The following RANBP2 variants were observed in gnomAD, a reference collection of about 807,000 sequenced individuals.
The protein encoded by RANBP2 is RAN binding protein 2.
RANBP2 carries 57 observed loss-of-function variants against 303.6 expected under a neutral mutation model. The observed-to-expected ratio is 0.19, with a 90% CI of 0.15 to 0.23. The LOEUF (loss-of-function observed/expected upper bound fraction) is 0.23. RANBP2 is among the 10% of genes least tolerant of loss of function. The pLI, the probability that RANBP2 is intolerant of heterozygous loss-of-function variation, is 1.00. For missense variants in RANBP2, 3,138 were observed against 3,780.8 expected, an observed-to-expected ratio of 0.83 and a Z score of 4.46; for synonymous variants, 1,167 against 1,301.5, an observed-to-expected ratio of 0.90 and a Z score of 2.23.
chr2:109,528,761 C>T, the RANBP2 span, among the ~76,000 whole-genome samples: 5 of 152,186 alleles, frequency 3.3e-5, no homozygotes, highest in Non-Finnish European at 7.3e-5. Context: ...TCACATCACA[C>T]GACAAAGGGG....
the RANBP2 span, among the ~76,000 whole-genome samples, chr2:108,835,397 G>A: frequency 6.6e-6 from 1 of 152,236 alleles, no homozygotes; most frequent in South Asian, 2.1e-4. Context: ...GGGCCAGTAA[G>A]GATATTAATC....
the RANBP2 span, among the ~76,000 whole-genome samples, chr2:109,586,989 T>C: frequency 6.6e-6 from 1 of 151,908 alleles, no homozygotes; most frequent in Non-Finnish European, 1.5e-5. Context: ...AATAAAAAAA[T>C]TATGACAGGA....
the RANBP2 span, among the ~76,000 whole-genome samples, chr2:109,158,728 T>C: frequency 6.6e-6 from 1 of 152,240 alleles, no homozygotes; most frequent in African/African-American, 2.4e-5. Flanking sequence ...TGGATGAATG[T>C]TTTAACACAT....
At chr2:109,697,580 A>G in the RANBP2 span, among the ~76,000 whole-genome samples, 2 of 151,846 alleles carry the variant, frequency 1.3e-5, no homozygotes, top group Admixed American at 1.3e-4. Context: ...TTGCATAAAT[A>G]TTTTGTATCC....
chr2:108,834,094 A>G, the RANBP2 span, among the ~76,000 whole-genome samples: 111 of 151,546 alleles, frequency 7.3e-4, no homozygotes, highest in Non-Finnish European at 1.2e-3. Context: ...GGAAACTAGA[A>G]TTTGAGGGTA....
At chr2:109,736,318 T>C in the RANBP2 span, among the ~76,000 whole-genome samples, 1 of 152,194 alleles carries the variant, frequency 6.6e-6, no homozygotes, top group South Asian at 2.1e-4. Context: ...ATGAGGCAGC[T>C]ATTTCCCAGG....
the RANBP2 span, among the ~76,000 whole-genome samples, chr2:109,511,203 G>T: frequency 6.6e-6 from 1 of 152,180 alleles, no homozygotes; most frequent in Non-Finnish European, 1.5e-5. Flanking sequence ...GCCTCGGGAG[G>T]CCTGGCTGAT....
At chr2:108,857,769 T>C in the RANBP2 span, among the ~76,000 whole-genome samples, 1 of 152,220 alleles carries the variant, frequency 6.6e-6, no homozygotes, top group South Asian at 2.1e-4. Context: ...CCAGTATTAC[T>C]TAAGTGCCTA....
chr2:109,145,316 T>G, the RANBP2 span, among the ~76,000 whole-genome samples: 17 of 152,272 alleles, frequency 1.1e-4, no homozygotes, highest in African/African-American at 3.8e-4. Context: ...TCAGCCCCCT[T>G]TAGTCCGGAC....
chr2:108,997,839 C>T, the RANBP2 span, among the ~76,000 whole-genome samples: 6 of 150,600 alleles, frequency 4.0e-5, no homozygotes, highest in East Asian at 2.0e-4. Flanking sequence ...TGCAGTGAGC[C>T]GAGATCGCGC....
the RANBP2 span, among the ~76,000 whole-genome samples, chr2:109,152,260 A>T: frequency 2.0e-3 from 307 of 152,342 alleles, no homozygotes; most frequent in Non-Finnish European, 3.1e-3. Context: ...ACCTATAATC[A>T]CGGGAGGTGG....
chr2:109,737,159 C>G, the RANBP2 span: 1 of 891,944 alleles, frequency 1.1e-6, no homozygotes, highest in Non-Finnish European at 1.7e-6. Context: ...TCCTCCTCTT[C>G]TTCGTCCTGG....
At chr2:108,762,826 CATT>C (rs967088684) in intron 19 of RANBP2, among the ~76,000 whole-genome samples, 45 of 151,566 alleles carry the variant, frequency 3.0e-4, no homozygotes, top group African/African-American at 1.0e-3. Context: ...TCATCATCAT[CATT>C]AACATCATTT....
chr2:109,525,095 T>G, the RANBP2 span, among the ~76,000 whole-genome samples: 7 of 151,814 alleles, frequency 4.6e-5, no homozygotes, highest in Admixed American at 2.0e-4. Flanking sequence ...TTTTTTTTTT[T>G]TGTGGTTATG....
At chr2:108,909,143 TC>T in the RANBP2 span, among the ~76,000 whole-genome samples, 6 of 152,232 alleles carry the variant, frequency 3.9e-5, no homozygotes, top group East Asian at 1.2e-3. Flanking sequence ...ATATATTTTT[TC>T]CTAATAGGGC....
At chr2:109,351,871 T>C in the RANBP2 span, among the ~76,000 whole-genome samples, 1 of 152,242 alleles carries the variant, frequency 6.6e-6, no homozygotes, top group African/African-American at 2.4e-5. Flanking sequence ...CATGTGACCT[T>C]CTTATGCTGC....
chr2:109,727,146 G>T, the RANBP2 span, among the ~76,000 whole-genome samples: 5 of 152,094 alleles, frequency 3.3e-5, no homozygotes, highest in Non-Finnish European at 5.9e-5. Context: ...TACCTCCCTC[G>T]AAATCAACTC....
chr2:109,412,841 T>G, the RANBP2 span, among the ~76,000 whole-genome samples: 1 of 152,244 alleles, frequency 6.6e-6, no homozygotes, highest in Non-Finnish European at 1.5e-5. Flanking sequence ...TTTCCTGACT[T>G]CTTGCCATGA....
chr2:109,464,339 C>G, the RANBP2 span, among the ~76,000 whole-genome samples: 1 of 152,316 alleles, frequency 6.6e-6, no homozygotes, highest in South Asian at 2.1e-4. Flanking sequence ...TGAACACATA[C>G]AAATAACATT....
Sources: allele counts gnomAD v4.1 joint callset (sites outside exome capture counted in the v4.1 genomes callset), GRCh38; gene constraint gnomAD v4.1.1; transcripts MANE v1.5; gene names NCBI Gene and HGNC (gene_info 2026-07-23, HGNC 2026-07-21).